SLC25A37: variants seen among roughly 807,000 people sequenced by gnomAD.
SLC25A37 encodes the protein mitoferrin-1.
In SLC25A37, 17 loss-of-function variants were observed where a neutral mutation model predicts 31.0. The observed-to-expected ratio is 0.55, with a 90% CI of 0.38 to 0.82. The LOEUF (loss-of-function observed/expected upper bound fraction) is 0.82. Ranked by LOEUF, SLC25A37 falls within the 40% of genes least tolerant of loss-of-function variation. The pLI is 0.00. For missense variants in SLC25A37, 404 were observed against 465.8 expected, an observed-to-expected ratio of 0.87 and a Z score of 1.22; for synonymous variants, 222 against 193.0, an observed-to-expected ratio of 1.15 and a Z score of -1.24.
chr8:23,539,600 A>G (rs1801850144), intron 1 of SLC25A37, among the ~76,000 whole-genome samples: 2 of 152,218 alleles, frequency 1.3e-5, no homozygotes, highest in African/African-American at 4.8e-5. Context: ...TGGTCCTGCC[A>G]TTAACCAGCT....
intron 1 of SLC25A37, among the ~76,000 whole-genome samples, chr8:23,533,495 C>T (rs1444678842): frequency 6.6e-6 from 1 of 152,216 alleles, no homozygotes; most frequent in African/African-American, 2.4e-5. Flanking sequence ...GTGGCCATCT[C>T]ATTAGAGATG....
intron 1 of SLC25A37, among the ~76,000 whole-genome samples, chr8:23,542,553 A>G (rs867199568): frequency 2.0e-5 from 3 of 151,054 alleles, no homozygotes; most frequent in African/African-American, 2.4e-5. Flanking sequence ...CTAATTTTGT[A>G]TTTTTGGTAG....
chr8:23,537,231 T>G (rs1475959070), intron 1 of SLC25A37, among the ~76,000 whole-genome samples: 1 of 150,546 alleles, frequency 6.6e-6, no homozygotes, highest in Non-Finnish European at 1.5e-5. Flanking sequence ...TACTCTCCCC[T>G]GCCTCACATT....
intron 1 of SLC25A37, among the ~76,000 whole-genome samples, chr8:23,562,416 C>A (rs1802540062): frequency 6.6e-6 from 1 of 152,168 alleles, no homozygotes; most frequent in Admixed American, 6.5e-5. Context: ...GGGTGGTGGG[C>A]TAAGAGACAA....
In SLC25A37 at chr8:23,572,279, A is replaced by G. The variant is rs1015809354; in HGVS notation, c.*424A>G. On this transcript the variant is annotated 3_prime_UTR_variant, in exon 4 of 4. Coordinates refer to ENST00000519973, the MANE Select transcript of SLC25A37 (RefSeq NM_016612.4). Reference sequence around the variant, plus strand: ...GTATATAAAAGTTGCATTACACAGTACAAAATAGATGGATAATGTTTATCC... The same window carrying G: ...GTATATAAAAGTTGCATTACACAGTGCAAAATAGATGGATAATGTTTATCC... 4 of 155,864 alleles carry G rather than the reference A, an allele frequency of 2.6e-5. No homozygotes were observed. Among genetic ancestry groups the G allele is most frequent in the South Asian group, 1.8e-4 (1 of 5,710 alleles). 9.7% of individuals were successfully genotyped at this position (155,864 alleles called of 1,614,324 possible).
intron 1 of SLC25A37, among the ~76,000 whole-genome samples, chr8:23,548,242 G>C (rs969236780): frequency 2.0e-5 from 3 of 151,924 alleles, no homozygotes; most frequent in African/African-American, 7.3e-5. Context: ...GCAGTGGCGC[G>C]ATCTCGGTTC....
intron 1 of SLC25A37, among the ~76,000 whole-genome samples, chr8:23,555,025 A>C (rs1802326617): frequency 6.6e-6 from 1 of 151,934 alleles, no homozygotes; most frequent in South Asian, 2.1e-4. Flanking sequence ...GCCCCACCCT[A>C]CCTTTCTTCC....
chr8:23,555,109 A>T (rs577367467), intron 1 of SLC25A37, among the ~76,000 whole-genome samples: 2 of 152,098 alleles, frequency 1.3e-5, no homozygotes, highest in African/African-American at 4.8e-5. Flanking sequence ...CCCTCACCTG[A>T]CTGCTGTCTT....
rs1164428172 is a variant in SLC25A37 at position 23,529,480 on chromosome 8, G to T, written c.210+268G>T. Among the ~76,000 whole-genome samples, 2 of 151,894 alleles carry T rather than the reference G, an allele frequency of 1.3e-5. No individual in the cohort carries two copies. The highest frequency in any genetic ancestry group is 2.9e-5 in the Non-Finnish European group (2 of 67,902). Reference sequence around the variant, plus strand: ...CCCGGCTGCTGGCGGCGCTGAGGCGGGGGAGGCGGAGTGGCGAGCACCGCT... The same window carrying T: ...CCCGGCTGCTGGCGGCGCTGAGGCGTGGGAGGCGGAGTGGCGAGCACCGCT... On this transcript the variant is annotated intron_variant, in intron 1 of 3. Coordinates refer to ENST00000519973, the MANE Select transcript of SLC25A37 (RefSeq NM_016612.4). This position sits in a 1 kb window ranked among gnomAD's most constrained non-coding sequence, Gnocchi z 4.1.
rs79461192 is a variant in SLC25A37 at position 23,531,495 on chromosome 8, A to G, written c.210+2283A>G. 4.1e-3 allele frequency among the ~76,000 whole-genome samples: 619 copies of G among 152,360 alleles called. 6 individuals carry two copies. The highest frequency in any genetic ancestry group is 0.014 in the African/African-American group (602 of 41,582). ...TAACCCATGCCTCGTTTCTCTGAAC[A>G]CACAACACCCATCGTCCTCTTTTAT... On this transcript the variant is annotated intron_variant, in intron 1 of 3. Transcript: ENST00000519973.
chr8:23,553,280 T>C (rs1020039518), intron 1 of SLC25A37, among the ~76,000 whole-genome samples: 2 of 151,772 alleles, frequency 1.3e-5, no homozygotes, highest in African/African-American at 2.4e-5. Context: ...AAATTAGCCA[T>C]GTGTGGTAGC....
Position 23,528,967 on chromosome 8 carries a change from C to T in SLC25A37, c.-36C>T. The T allele has an allele frequency of 7.0e-7, 1 of 1,430,434 alleles. No individual in the cohort carries two copies. Among genetic ancestry groups the T allele is most frequent in the African/African-American group, 1.5e-5 (1 of 67,484 alleles). The allele number at this position is 1,430,434 out of a possible 1,614,324, so 88.6% of individuals were successfully genotyped here. Reference sequence around the variant, plus strand: ...TTGCGCCCCTCCCCCTCCCTGCCCACCTCCTGCAGCCTCCTGCGCCCCGCC... The same window carrying T: ...TTGCGCCCCTCCCCCTCCCTGCCCATCTCCTGCAGCCTCCTGCGCCCCGCC... On this transcript the variant is annotated 5_prime_UTR_variant, in exon 1 of 4. Transcript: ENST00000519973.
In SLC25A37 at chr8:23,573,933, TG is replaced by T; in HGVS notation, c.*2081del. ...TTACATCTCCGCTCTCAACCTGCCT[TG>T]GGTTCGTGTTAAATGGTGTTAAATT... On this transcript the variant is annotated 3_prime_UTR_variant, in exon 4 of 4. Transcript: ENST00000519973. 1 of 438,664 alleles carries T rather than the reference TG, an allele frequency of 2.3e-6. No individual in the cohort carries two copies. Among genetic ancestry groups the T allele is most frequent in the African/African-American group, 2.0e-5 (1 of 49,894 alleles). 27.2% of individuals were successfully genotyped at this position (438,664 alleles called of 1,614,324 possible). A position where few individuals can be genotyped will look rare whatever the true frequency, so the allele number is the denominator to read the frequency against.
In SLC25A37 at chr8:23,529,185, G is replaced by C. The variant is rs1343688209; in HGVS notation, c.183G>C (p.Ser61=). 1 of 1,610,942 alleles carries C rather than the reference G, an allele frequency of 6.2e-7. No individual in the cohort carries two copies. Among genetic ancestry groups the C allele is most frequent in the Non-Finnish European group, 8.5e-7 (1 of 1,178,924 alleles). Reference sequence around the variant, plus strand: ...CGATGGCCGGGATCCTGGAGCACTCGGTCATGTACCCGGTGGACTCGGTGA... The same window carrying C: ...CGATGGCCGGGATCCTGGAGCACTCCGTCATGTACCCGGTGGACTCGGTGA... The part of the protein sequence containing the change: ...AGAMAGILEH[S]VMYPVDSVKT... The change falls in exon 1 of 4, where the codon TCG becomes TCC. Residue 61 remains serine (S), a synonymous_variant. Transcript: ENST00000519973. The surrounding 1 kb of genome is among the most constrained non-coding windows in gnomAD (Gnocchi z 4.1).
At chr8:23,565,624 A>C (rs1025222692) in intron 1 of SLC25A37, among the ~76,000 whole-genome samples, 2 of 152,252 alleles carry the variant, frequency 1.3e-5, no homozygotes, top group African/African-American at 4.8e-5. Context: ...GTAGGGACTG[A>C]ATAGGAGCTT....
chr8:23,569,571 C>T (rs749395645), intron 3 of SLC25A37, among the ~76,000 whole-genome samples: 1 of 152,200 alleles, frequency 6.6e-6, no homozygotes, highest in Non-Finnish European at 1.5e-5. Context: ...CAGATGTGAA[C>T]GTGGAGAGAA....
At chr8:23,551,790 A>G (rs921928397) in intron 1 of SLC25A37, among the ~76,000 whole-genome samples, 1 of 152,154 alleles carries the variant, frequency 6.6e-6, no homozygotes, top group African/African-American at 2.4e-5. Context: ...ATTTAGATAC[A>G]GAGGGGTCTC....
intron 1 of SLC25A37, among the ~76,000 whole-genome samples, chr8:23,564,877 G>C (rs768775441): frequency 7.3e-5 from 11 of 151,508 alleles, no homozygotes; most frequent in Non-Finnish European, 1.3e-4. Context: ...CTGTCTGTCT[G>C]TCTACCTACC....
chr8:23,535,813 A>G (rs192573553), intron 1 of SLC25A37, among the ~76,000 whole-genome samples: 4 of 152,276 alleles, frequency 2.6e-5, no homozygotes, highest in African/African-American at 9.6e-5. Flanking sequence ...GGTTTTCCCC[A>G]TATAAAATCA....
Sources: gnomAD v4.1 joint callset for allele counts (sites outside exome capture counted in the v4.1 genomes callset) on GRCh38, gnomAD v4.1.1 for gene constraint, Gnocchi (gnomAD v3.1) non-coding constraint, MANE v1.5 for transcripts, NCBI Gene and HGNC (gene_info 2026-07-23, HGNC 2026-07-21) for gene names.